Variants in UGT1A9 observed in about 807,000 individuals in gnomAD.
UGT1A9 encodes UDP-glucuronosyltransferase 1A9.
In UGT1A9, 35 loss-of-function variants were observed where a neutral mutation model predicts 45.0. The ratio of observed to expected loss-of-function variants is 0.78; its 90% confidence interval spans 0.59 to 1.03. UGT1A9 has a LOEUF of 1.03. Ranked by LOEUF, UGT1A9 falls within the 50% of genes least tolerant of loss-of-function variation. The pLI is 0.00. For synonymous variants in UGT1A9, 278 were observed against 250.6 expected (o/e 1.11, Z -1.03); for missense variants, 687 against 666.6 (o/e 1.03, Z -0.34).
rs1368125646 is a variant in UGT1A9 at position 233,672,431 on chromosome 2, T to C, written c.497T>C (p.Val166Ala). The C allele has an allele frequency of 1.2e-6, 2 of 1,613,992 alleles. No homozygotes were observed. Among genetic ancestry groups the C allele is most frequent in the African/African-American group, 1.3e-5 (1 of 75,050 alleles). The change falls in exon 1 of 5, where the codon GTG becomes GCG. Residue 166 changes from valine to alanine, a missense_variant. Coordinates refer to ENST00000354728, the MANE Select transcript of UGT1A9 (RefSeq NM_021027.3). ...IVAKYFSLPSVVFARGILCHY... is the reference protein window; with the variant it reads ...IVAKYFSLPSAVFARGILCHY... ...GCCAAATATTTCTCCCTCCCCTCCG[T>C]GGTCTTCGCCAGGGGAATACTTTGC...
chr2:233,769,848 A>C lies in UGT1A9; in HGVS notation c.1295+1409A>C. ...CCAGCAACCTGGGCAACAGAGTGAG[A>C]CCCTGTCTCAAAAAAAAAAAAAAAA... is the stretch of plus-strand genomic sequence containing the variant. On this transcript the variant is annotated intron_variant, in intron 4 of 4. Transcript: ENST00000354728. The surrounding 1 kb of genome is among the most constrained non-coding windows in gnomAD (Gnocchi z 4.4). The C allele has an allele frequency of 1.9e-5, 9 of 472,234 alleles. No homozygotes were observed. Among genetic ancestry groups the C allele is most frequent in the South Asian group, 5.6e-5 (1 of 17,844 alleles). The allele number at this position is 472,234 out of a possible 1,614,324, so 29.3% of individuals were successfully genotyped here.
Position 233,693,995 on chromosome 2 carries a change from G to A in UGT1A9, c.855+21206G>A, listed in dbSNP as rs7592281. ...GAAACGGTGGGGGGAAGTGATACCCGGCTCGGAGCAGCGGGAACACATAGG... is the reference window on the plus strand; with the variant it reads ...GAAACGGTGGGGGGAAGTGATACCCAGCTCGGAGCAGCGGGAACACATAGG... On this transcript the variant is annotated intron_variant, in intron 1 of 4. Transcript: ENST00000354728. 1.4e-4 allele frequency: 214 copies of A among 1,516,840 alleles called. 1 individual carries two copies. The highest frequency in any genetic ancestry group is 1.8e-4 in the Non-Finnish European group (199 of 1,126,318). The allele number at this position is 1,516,840 out of a possible 1,614,324, so 94.0% of individuals were successfully genotyped here.
chr2:233,760,816 T>C (rs72551342), intron 1 of UGT1A9: 3 of 1,613,644 alleles, frequency 1.9e-6, no homozygotes, highest in South Asian at 1.1e-5. Flanking sequence ...TGCACTGCCA[T>C]GCAGCCTGGA....
intron 1 of UGT1A9, 72 bp downstream of exon 1, chr2:233,672,861 C>T (rs1442379672): frequency 6.5e-7 from 1 of 1,528,204 alleles, no homozygotes; most frequent in Non-Finnish European, 8.8e-7. Flanking sequence ...CTTTACTGAA[C>T]TGTGATTTGA....
chr2:233,716,347 A>G (rs553481332), intron 1 of UGT1A9, among the ~76,000 whole-genome samples: 2 of 152,336 alleles, frequency 1.3e-5, no homozygotes, highest in East Asian at 1.9e-4. Flanking sequence ...CGCAACTACA[A>G]TGTAGATACT....
At chr2:233,747,683 T>C (rs1401123315) in intron 1 of UGT1A9, 4 of 1,608,556 alleles carry the variant, frequency 2.5e-6, no homozygotes, top group Middle Eastern at 1.7e-4. Flanking sequence ...TTTACCTCTG[T>C]GGGGCAGTGC....
At chr2:233,692,037 A>G (rs2075074158) in intron 1 of UGT1A9, 1 of 152,220 alleles carries the variant, frequency 6.6e-6, no homozygotes, top group Non-Finnish European at 1.5e-5. Context: ...TTGCCAGGGA[A>G]CAAAACCCTT....
chr2:233,762,058 G>A (rs1697953737), intron 1 of UGT1A9, among the ~76,000 whole-genome samples: 2 of 151,982 alleles, frequency 1.3e-5, no homozygotes, highest in Non-Finnish European at 2.9e-5. Context: ...TTCCTTCATA[G>A]CACATCAAAT....
chr2:233,745,111 T>C (rs1693017578), intron 1 of UGT1A9, among the ~76,000 whole-genome samples: 2 of 151,928 alleles, frequency 1.3e-5, no homozygotes, highest in African/African-American at 4.9e-5. Context: ...TTTAATCTGC[T>C]GTTGGCTGAA....
chr2:233,769,675 G>A lies in UGT1A9; in HGVS notation c.1295+1236G>A, dbSNP rs1044597905. 16 of 1,578,848 alleles carry A rather than the reference G, an allele frequency of 1.0e-5. No homozygotes were observed. The highest frequency in any genetic ancestry group is 1.4e-5 in the Non-Finnish European group (16 of 1,162,352). ...CTTCCCACCTTTGAGGTGCTAATGT[G>A]TGTGTGGTGGCACTGGATAAAAGAT... On this transcript the variant is annotated intron_variant, in intron 4 of 4. Coordinates refer to ENST00000354728, the MANE Select transcript of UGT1A9 (RefSeq NM_021027.3). The surrounding 1 kb of genome is among the most constrained non-coding windows in gnomAD (Gnocchi z 4.4).
At chr2:233,739,831 CAT>C (rs1185061453) in intron 1 of UGT1A9, among the ~76,000 whole-genome samples, 1 of 151,958 alleles carries the variant, frequency 6.6e-6, no homozygotes, top group Non-Finnish European at 1.5e-5. Context: ...TGTGAAAAGA[CAT>C]GAGATTTGGG....
intron 1 of UGT1A9, among the ~76,000 whole-genome samples, chr2:233,736,953 C>G (rs1030380285): frequency 2.0e-5 from 3 of 152,174 alleles, no homozygotes; most frequent in Admixed American, 1.3e-4. Flanking sequence ...TGTCTGTTGG[C>G]CCCTACTGGG....
At chr2:233,685,526 A>T (rs1365100073) in intron 1 of UGT1A9, among the ~76,000 whole-genome samples, 1 of 152,126 alleles carries the variant, frequency 6.6e-6, no homozygotes, top group African/African-American at 2.4e-5. Context: ...TGCTTTCCCC[A>T]TTGCTCTCGC....
chr2:233,754,900 C>G, intron 1 of UGT1A9: 3 of 1,352,224 alleles, frequency 2.2e-6, no homozygotes, highest in Non-Finnish European at 3.0e-6. Flanking sequence ...CTCTGACCCC[C>G]CAAAATATTC....
chr2:233,762,367 A>G lies in UGT1A9; in HGVS notation c.856-4667A>G, dbSNP rs34270252. ...GTTCTTTGTACTCCAGCTATTACAT[A>G]CCAATATGTATATAGAAACATATGT... On this transcript the variant is annotated intron_variant, in intron 1 of 4. Transcript: ENST00000354728. 2.9e-4 allele frequency among the ~76,000 whole-genome samples: 44 copies of G among 152,378 alleles called. 2 individuals are homozygous for G. The East Asian group carries it at 8.1e-3, about 28-fold the overall frequency.
At chr2:233,680,135 A>C (rs1380907590) in intron 1 of UGT1A9, among the ~76,000 whole-genome samples, 1 of 152,120 alleles carries the variant, frequency 6.6e-6, no homozygotes, top group East Asian at 1.9e-4. Flanking sequence ...CTATCAAGTA[A>C]TTCAAGTTTT....
chr2:233,757,044 A>T (rs1411336170), intron 1 of UGT1A9, among the ~76,000 whole-genome samples: 1 of 151,696 alleles, frequency 6.6e-6, no homozygotes, highest in Non-Finnish European at 1.5e-5. Flanking sequence ...CATCAAAGGA[A>T]GTTTGGGGAA....
At chr2:233,751,260 C>A (rs1187773799) in intron 1 of UGT1A9, among the ~76,000 whole-genome samples, 1 of 151,902 alleles carries the variant, frequency 6.6e-6, no homozygotes, top group Non-Finnish European at 1.5e-5. Context: ...GGGCCTGTAG[C>A]CCCCTTTTTT....
rs146169334 is a variant in UGT1A9 at position 233,742,180 on chromosome 2, T to C, written c.856-24854T>C. 6.3e-4 allele frequency among the ~76,000 whole-genome samples: 95 copies of C among 151,416 alleles called. 3 individuals carry two copies. The highest frequency in any genetic ancestry group is 2.3e-3 in the African/African-American group (94 of 40,990). On this transcript the variant is annotated intron_variant, in intron 1 of 4. Transcript: ENST00000354728. Reference sequence around the variant, plus strand: ...AAGACACACACACAGAAATATAGAGTGTGGAGTGGGAAATCAGGGGACTCA... The same window carrying C: ...AAGACACACACACAGAAATATAGAGCGTGGAGTGGGAAATCAGGGGACTCA...
Sources: allele counts gnomAD v4.1 joint callset (sites outside exome capture counted in the v4.1 genomes callset), GRCh38; gene constraint gnomAD v4.1.1; non-coding constraint Gnocchi (gnomAD v3.1); transcripts MANE v1.5; gene names NCBI Gene and HGNC (gene_info 2026-07-23, HGNC 2026-07-21).